Variants in ATP2B4 observed in about 807,000 individuals in gnomAD.
ATP2B4 encodes the protein plasma membrane calcium-transporting ATPase 4.
ATP2B4 carries 39 observed loss-of-function variants against 110.3 expected under a neutral mutation model. That is an observed-to-expected ratio of 0.35 (90% CI 0.27 to 0.46). ATP2B4 has a LOEUF of 0.46. Among genes scored for constraint, ATP2B4 ranks in the 20% least tolerant of loss-of-function variants. The probability of loss-of-function intolerance (pLI) is 1.00; values close to 1 mark genes in which losing one functional copy is unlikely to be tolerated. For synonymous variants in ATP2B4, 538 were observed against 571.7 expected, an observed-to-expected ratio of 0.94 and a Z score of 0.84; for missense variants, 1,135 against 1,530.9, an observed-to-expected ratio of 0.74 and a Z score of 4.32.
In ATP2B4 at chr1:203,700,316, C is replaced by T. The variant is rs150943494; in HGVS notation, c.760C>T (p.Pro254Ser). Residue 254 changes from proline to serine, a missense_variant, in exon 5 of 21, where the codon CCC becomes TCC. By Grantham distance (74) the Pro-to-Ser change is moderately conservative. Coordinates refer to ENST00000357681, the MANE Select transcript of ATP2B4 (RefSeq NM_001684.5). ...DHVKKSLDKD[P>S]MLLSGTHVME... The stretch of plus-strand genomic sequence containing the variant: ...TGTCAAGAAGTCCCTGGACAAAGAC[C>T]CCATGTTGCTCTCAGGTATAGGCCC... 1 of 1,613,130 alleles carries T rather than the reference C, an allele frequency of 6.2e-7. No homozygotes were observed. The highest frequency in any genetic ancestry group is 8.5e-7 in the Non-Finnish European group (1 of 1,179,460).
chr1:203,678,914 A>G (rs1473546722), intron 1 of ATP2B4, among the ~76,000 whole-genome samples: 4 of 152,228 alleles, frequency 2.6e-5, no homozygotes, highest in African/African-American at 9.6e-5. Flanking sequence ...TGATATGACC[A>G]ATGCTTTCAC....
intron 1 of ATP2B4, among the ~76,000 whole-genome samples, chr1:203,654,746 G>A (rs780758233): frequency 1.5e-4 from 23 of 152,080 alleles, no homozygotes; most frequent in Non-Finnish European, 3.1e-4. Context: ...AGTTAGTCAG[G>A]CATGGTGGTG....
At chr1:203,632,312 G>T (rs1663293457) in intron 1 of ATP2B4, among the ~76,000 whole-genome samples, 2 of 151,350 alleles carry the variant, frequency 1.3e-5, no homozygotes, top group South Asian at 4.2e-4. Context: ...TATATAGTAT[G>T]CCACCTTTGG....
At chr1:203,651,719 C>T in intron 1 of ATP2B4, among the ~76,000 whole-genome samples, 1 of 151,960 alleles carries the variant, frequency 6.6e-6, no homozygotes, top group East Asian at 1.9e-4. Context: ...TTTGATTGCA[C>T]CACTGCACTC....
At chr1:203,735,465 C>T (rs1666855336) in intron 20 of ATP2B4, among the ~76,000 whole-genome samples, 1 of 152,160 alleles carries the variant, frequency 6.6e-6, no homozygotes, top group South Asian at 2.1e-4. Context: ...TCAGTCTGTT[C>T]CTTCCTCCCC....
At chr1:203,698,080 C>A in intron 2 of ATP2B4, 77 bp from the exon 3 acceptor site, 1 of 1,264,966 alleles carries the variant, frequency 7.9e-7, no homozygotes, top group Non-Finnish European at 1.1e-6. Context: ...GATCATGGCT[C>A]ACTGCCACTT....
chr1:203,640,161 A>G (rs1431558294), intron 1 of ATP2B4, among the ~76,000 whole-genome samples: 2 of 151,800 alleles, frequency 1.3e-5, no homozygotes, highest in African/African-American at 4.8e-5. Flanking sequence ...TATTCCGGTG[A>G]CCCCCTCTTC....
intron 13 of ATP2B4, among the ~76,000 whole-genome samples, chr1:203,712,429 A>C (rs1165468550): frequency 6.6e-6 from 1 of 152,004 alleles, no homozygotes; most frequent in Non-Finnish European, 1.5e-5. Context: ...CGTCTCTACC[A>C]AAAATACAAA....
At chr1:203,641,083 G>T (rs1178586398) in intron 1 of ATP2B4, among the ~76,000 whole-genome samples, 3 of 152,182 alleles carry the variant, frequency 2.0e-5, no homozygotes, top group African/African-American at 7.2e-5. Flanking sequence ...ACTTAGGTGT[G>T]GGAAGTGTAG....
intron 2 of ATP2B4, among the ~76,000 whole-genome samples, chr1:203,696,555 C>A (rs760051552): frequency 6.6e-6 from 1 of 152,202 alleles, no homozygotes; most frequent in Non-Finnish European, 1.5e-5. Context: ...GTGCCAAAAC[C>A]AGGACTAATT....
At chr1:203,723,153 T>G (rs1666386492) in intron 18 of ATP2B4, among the ~76,000 whole-genome samples, 1 of 152,028 alleles carries the variant, frequency 6.6e-6, no homozygotes, top group Non-Finnish European at 1.5e-5. Flanking sequence ...TACATGTATA[T>G]TACATAGTCA....
chr1:203,635,060 C>T (rs926475572), intron 1 of ATP2B4, among the ~76,000 whole-genome samples: 5 of 152,088 alleles, frequency 3.3e-5, no homozygotes, highest in African/African-American at 4.8e-5. Context: ...CCGCAACCTC[C>T]GCCTCCTGAT....
rs117824891 is a variant in ATP2B4, at chr1:203,693,032, T to G, written c.194-5125T>G. On this transcript the variant is annotated intron_variant, in intron 2 of 20. Transcript: ENST00000357681. Reference sequence around the variant, plus strand: ...CTTGAGGACAAGATTTCCCCTCAGTTTCCTGAGGAATTTCTAGGGGAAACC... The same window carrying G: ...CTTGAGGACAAGATTTCCCCTCAGTGTCCTGAGGAATTTCTAGGGGAAACC... 1.8e-3 allele frequency among the ~76,000 whole-genome samples: 276 copies of G among 152,316 alleles called. 4 individuals carry two copies. In the East Asian group the frequency reaches 0.029, roughly 16 times the overall value.
intron 1 of ATP2B4, among the ~76,000 whole-genome samples, chr1:203,678,308 A>G (rs1391093971): frequency 6.6e-6 from 1 of 152,038 alleles, no homozygotes; most frequent in Non-Finnish European, 1.5e-5. Flanking sequence ...TTCCTTGGAC[A>G]AAATTGGAGG....
intron 8 of ATP2B4, 55 bp from the exon 9 acceptor site, chr1:203,706,954 A>C: frequency 6.8e-7 from 1 of 1,462,320 alleles, no homozygotes; most frequent in Non-Finnish European, 9.5e-7. Context: ...ATCTCTGGCT[A>C]GGGCCCTAGG....
At chr1:203,726,585 C>T (rs57962103) in intron 19 of ATP2B4, among the ~76,000 whole-genome samples, 2,351 of 152,206 alleles carry the variant, frequency 0.015, 66 homozygotes, top group African/African-American at 0.055. Flanking sequence ...ATCACAACAG[C>T]TTTTTCCACA....
At chr1:203,671,104 AGG>A (rs1405154673) in intron 1 of ATP2B4, among the ~76,000 whole-genome samples, 2 of 152,222 alleles carry the variant, frequency 1.3e-5, no homozygotes, top group Non-Finnish European at 2.9e-5. Context: ...GGTGGGGAGA[AGG>A]GGTTGATAAA....
intron 1 of ATP2B4, among the ~76,000 whole-genome samples, chr1:203,671,125 G>T (rs1664648127): frequency 6.6e-6 from 1 of 152,184 alleles, no homozygotes; most frequent in South Asian, 2.1e-4. Flanking sequence ...AATTCCTGCA[G>T]CATCTTTATA....
In ATP2B4 at chr1:203,714,480, G is replaced by C. The variant is rs149540996; in HGVS notation, c.2406+203G>C. 1.4e-3 allele frequency among the ~76,000 whole-genome samples: 208 copies of C among 152,276 alleles called. 1 individual carries two copies. The Middle Eastern group carries it at 0.02, about 15-fold the overall frequency. ...AAGTATGAAGAATAGATAAGAGGGA[G>C]GGAAGTCATGAAGAATCATATGCAG... is the stretch of plus-strand genomic sequence containing the variant. On this transcript the variant is annotated intron_variant, in intron 15 of 20. Transcript: ENST00000357681.
Sources: allele counts gnomAD v4.1 joint callset (sites outside exome capture counted in the v4.1 genomes callset), GRCh38; gene constraint gnomAD v4.1.1; transcripts MANE v1.5; gene names NCBI Gene and HGNC (gene_info 2026-07-23, HGNC 2026-07-21).